FAM20C: variants seen among roughly 807,000 people sequenced by gnomAD.
The protein encoded by FAM20C is extracellular serine/threonine protein kinase FAM20C.
FAM20C carries 40 observed loss-of-function variants against 51.5 expected under a neutral mutation model. The ratio of observed to expected loss-of-function variants is 0.78; its 90% CI spans 0.60 to 1.01. The LOEUF (loss-of-function observed/expected upper bound fraction) is 1.01. Among genes scored for constraint, FAM20C ranks in the 50% least tolerant of loss-of-function variants. The probability of loss-of-function intolerance (pLI) is 0.00; values close to 1 mark genes in which losing one functional copy is unlikely to be tolerated. For missense variants in FAM20C, 861 were observed against 844.7 expected (o/e 1.02, Z -0.24); for synonymous variants, 406 against 380.6 (o/e 1.07, Z -0.78).
rs762346873 is a variant in FAM20C at position 256,638 on chromosome 7, C to T, written c.1254-16C>T. 25 of 1,533,082 alleles carry T rather than the reference C, an allele frequency of 1.6e-5. No individual in the cohort carries two copies. Among genetic ancestry groups the T allele is most frequent in the African/African-American group, 5.5e-5 (4 of 73,020 alleles). The allele number at this position is 1,533,082 out of a possible 1,614,324, so 95.0% of individuals were successfully genotyped here. On this transcript the variant is annotated splice_polypyrimidine_tract_variant and intron_variant, in intron 6 of 9. Transcript: ENST00000313766. ...AATCTGGCCTGGGCCCCCCGTCTCA[C>T]GCTGGCTCCCCGCAGGTGGGAGGTG...
At chr7:235,550 C>T (rs1787821973) in intron 3 of FAM20C, among the ~76,000 whole-genome samples, 1 of 152,174 alleles carries the variant, frequency 6.6e-6, no homozygotes. Context: ...TTTTGTTTAT[C>T]GTCACATAAA....
intron 3 of FAM20C, chr7:229,086 CAGA>C (rs1787561683): frequency 2.9e-6 from 1 of 346,196 alleles, no homozygotes. Flanking sequence ...ACTCTAGGAC[CAGA>C]AGCAGGGAAA....
chr7:193,138 A>C lies in FAM20C; in HGVS notation c.-62A>C. On this transcript the variant is annotated 5_prime_UTR_variant, in exon 1 of 10. Transcript: ENST00000313766. ...GCGAGGCGGCGCCGCGCTCGTGCCCAGCTGCAGCTAGAGGGGCGCGCGGGC... is the reference window on the plus strand; with the variant it reads ...GCGAGGCGGCGCCGCGCTCGTGCCCCGCTGCAGCTAGAGGGGCGCGCGGGC... The C allele has an allele frequency of 1.0e-5, 14 of 1,337,908 alleles. No homozygotes were observed. The highest frequency in any genetic ancestry group is 3.6e-5 in the East Asian group (1 of 27,672). The allele number at this position is 1,337,908 out of a possible 1,614,324, so 82.9% of individuals were successfully genotyped here.
intron 3 of FAM20C, among the ~76,000 whole-genome samples, chr7:234,430 C>T (rs1470541630): frequency 3.3e-5 from 5 of 152,164 alleles, no homozygotes; most frequent in Non-Finnish European, 7.3e-5. Context: ...TCCCAGGCCC[C>T]GACCACTCCC....
At chr7:257,224 G>C in intron 8 of FAM20C, 138 bp downstream of exon 8, 1 of 899,670 alleles carries the variant, frequency 1.1e-6, no homozygotes, top group Non-Finnish European at 1.7e-6. Context: ...GCCCATCTCA[G>C]AGCCAGATGC....
chr7:258,613 G>T, intron 8 of FAM20C, 33 bp from the exon 9 acceptor site: 1 of 1,535,886 alleles, frequency 6.5e-7, no homozygotes, highest in Non-Finnish European at 8.7e-7. Flanking sequence ...CCTTGTACAG[G>T]GGCCCTTGAC....
intron 2 of FAM20C, among the ~76,000 whole-genome samples, chr7:201,284 CA>C (rs1786116596): frequency 6.6e-6 from 1 of 152,238 alleles, no homozygotes; most frequent in Non-Finnish European, 1.5e-5. Flanking sequence ...TGACCAGGGC[CA>C]AAGGCGGCAA....
chr7:211,475 C>G (rs746772597), intron 3 of FAM20C, among the ~76,000 whole-genome samples: 29 of 151,268 alleles, frequency 1.9e-4, no homozygotes, highest in Non-Finnish European at 3.7e-4. Flanking sequence ...ACCCCACGTC[C>G]CCAGCGTGGC....
rs970669038 is a variant in FAM20C at position 208,009 on chromosome 7, G to A, written c.785-889G>A. Among the ~76,000 whole-genome samples the A allele has an allele frequency of 5.3e-5, 8 of 152,230 alleles. No homozygotes were observed. In the East Asian group the frequency reaches 5.8e-4, roughly 11 times the overall value. ...CCCCAGCGAGTCCTTGCGGAGCGGC[G>A]GGAGCTGCCTCGCATGAGACAGGTG... On this transcript the variant is annotated intron_variant, in intron 2 of 9. Coordinates refer to ENST00000313766, the MANE Select transcript of FAM20C (RefSeq NM_020223.4).
chr7:210,968 AG>A (rs1421323484), intron 3 of FAM20C, among the ~76,000 whole-genome samples: 1 of 152,110 alleles, frequency 6.6e-6, no homozygotes, highest in African/African-American at 2.4e-5. Context: ...ATCCTCACAT[AG>A]CCCTGTGAGT....
At chr7:249,236 C>T (rs1331076185) in intron 5 of FAM20C, among the ~76,000 whole-genome samples, 1 of 151,868 alleles carries the variant, frequency 6.6e-6, no homozygotes, top group Non-Finnish European at 1.5e-5. Flanking sequence ...CCTCCCCCGC[C>T]TCGGCGAAGT....
chr7:228,447 G>A, intron 3 of FAM20C: 1 of 456,200 alleles, frequency 2.2e-6, no homozygotes, highest in South Asian at 1.5e-5. Flanking sequence ...CACCCAGGGG[G>A]CTGGTGTCAC....
intron 4 of FAM20C, among the ~76,000 whole-genome samples, chr7:246,847 C>T (rs1412819723): frequency 2.6e-5 from 4 of 152,072 alleles, no homozygotes; most frequent in Non-Finnish European, 4.4e-5. Context: ...GCTCTGTGAG[C>T]GGCGATTTGC....
chr7:194,618 C>T (rs113480108), intron 1 of FAM20C, among the ~76,000 whole-genome samples: 6,163 of 152,314 alleles, frequency 0.04, 150 homozygotes, highest in African/African-American at 0.058. Context: ...TCTGTCTAAA[C>T]ACACTGGCTG....
chr7:203,150 G>A (rs193112902), intron 2 of FAM20C, among the ~76,000 whole-genome samples: 25 of 152,320 alleles, frequency 1.6e-4, no homozygotes, highest in African/African-American at 5.8e-4. Flanking sequence ...GGCTTCATGG[G>A]CATCAGAGGG....
Position 195,472 on chromosome 7 carries a change from T to C in FAM20C, c.606-82T>C, listed in dbSNP as rs1006668353. On this transcript the variant is annotated intron_variant, in intron 1 of 9. Coordinates refer to ENST00000313766, the MANE Select transcript of FAM20C (RefSeq NM_020223.4). ...TGCTTGAACCCAAAGTTAAAAACACTGGCGTCGGTGCCCTCTCCCCGTCAT... is the reference window on the plus strand; with the variant it reads ...TGCTTGAACCCAAAGTTAAAAACACCGGCGTCGGTGCCCTCTCCCCGTCAT... 4.6e-6 allele frequency: 6 copies of C among 1,290,460 alleles called. No individual in the cohort carries two copies. In the African/African-American group the frequency reaches 9.1e-5, roughly 20 times the overall value. 79.9% of individuals were successfully genotyped at this position (1,290,460 alleles called of 1,614,324 possible).
chr7:216,829 G>T (rs1180163711), intron 3 of FAM20C, among the ~76,000 whole-genome samples: 3 of 152,096 alleles, frequency 2.0e-5, no homozygotes, highest in Non-Finnish European at 2.9e-5. Context: ...AGAAGGGCTT[G>T]CGGGGCTGAC....
At chr7:258,567 C>T in intron 8 of FAM20C, 79 bp from the exon 9 acceptor site, 1 of 1,426,324 alleles carries the variant, frequency 7.0e-7, no homozygotes. Context: ...CAGGTGGACC[C>T]ATGGCCCAGC....
intron 3 of FAM20C, among the ~76,000 whole-genome samples, chr7:211,216 T>TC (rs1786694924): frequency 8.6e-6 from 1 of 116,624 alleles, no homozygotes; most frequent in South Asian, 3.2e-4. Context: ...TCCCTCAGCC[T>TC]CCCCTCGGAC....
Sources: gnomAD v4.1 joint callset for allele counts (sites outside exome capture counted in the v4.1 genomes callset) on GRCh38, gnomAD v4.1.1 for gene constraint, MANE v1.5 for transcripts, NCBI Gene and HGNC (gene_info 2026-07-23, HGNC 2026-07-21) for gene names.